GALNTL6: variants seen among roughly 807,000 people sequenced by gnomAD.
GALNTL6 encodes the protein polypeptide N-acetylgalactosaminyltransferase-like 6.
A neutral mutation model predicts 73.7 loss-of-function variants in GALNTL6; 46 were observed. That is an observed-to-expected ratio of 0.62 (90% CI 0.49 to 0.80). GALNTL6 has a LOEUF of 0.80. Ranked by LOEUF, GALNTL6 falls within the 30% of genes least tolerant of loss-of-function variation. The pLI is 0.00. For synonymous variants in GALNTL6, 259 were observed against 263.7 expected (o/e 0.98, Z 0.17); for missense variants, 604 against 755.0 (o/e 0.80, Z 2.34).
intron 2 of GALNTL6, among the ~76,000 whole-genome samples, chr4:171,854,117 C>T (rs1735612812): frequency 6.6e-6 from 1 of 152,104 alleles, no homozygotes; most frequent in South Asian, 2.1e-4. Flanking sequence ...TCCCTGAGGG[C>T]AGATGTTGGA....
rs372751195 is a variant in GALNTL6 at position 172,469,176 on chromosome 4, T to A, written c.553+120487T>A. On this transcript the variant is annotated intron_variant, in intron 5 of 12. Transcript: ENST00000506823. ...GTCATGAGAAGATTAAAGGGTATGGTTACACAATTGGACTCATTGAAACAG... is the reference window on the plus strand; with the variant it reads ...GTCATGAGAAGATTAAAGGGTATGGATACACAATTGGACTCATTGAAACAG... Among the ~76,000 whole-genome samples the A allele has an allele frequency of 3.9e-5, 6 of 152,266 alleles. No individual in the cohort carries two copies. In the East Asian group the frequency reaches 9.7e-4, roughly 25 times the overall value.
intron 5 of GALNTL6, among the ~76,000 whole-genome samples, chr4:172,656,626 C>T (rs1731034247): frequency 6.6e-6 from 1 of 152,180 alleles, no homozygotes; most frequent in Non-Finnish European, 1.5e-5. Context: ...ACATATTTTA[C>T]TGCTTTATTA....
At chr4:172,808,182 T>A (rs1190330440) in intron 5 of GALNTL6, among the ~76,000 whole-genome samples, 9 of 152,292 alleles carry the variant, frequency 5.9e-5, no homozygotes, top group African/African-American at 2.2e-4. Flanking sequence ...ATTGACCCAT[T>A]TGTGAAACAT....
At position 172,974,110 on chromosome 4, in the gene GALNTL6, A is replaced by G. The variant is rs542221660; in HGVS notation, c.1371+21852A>G. On this transcript the variant is annotated intron_variant, in intron 10 of 12. Transcript: ENST00000506823. Reference sequence around the variant, plus strand: ...AGCTAGGTATCAGTATTTTTATTGTACTTATGCCCTACAGCTAAAATAATT... The same window carrying G: ...AGCTAGGTATCAGTATTTTTATTGTGCTTATGCCCTACAGCTAAAATAATT... Among the ~76,000 whole-genome samples the G allele has an allele frequency of 5.3e-5, 8 of 152,342 alleles. No individual in the cohort carries two copies. In the South Asian group the frequency reaches 1.7e-3, roughly 32 times the overall value.
intron 8 of GALNTL6, among the ~76,000 whole-genome samples, chr4:172,912,436 T>C (rs1747258877): frequency 6.6e-6 from 1 of 152,174 alleles, no homozygotes; most frequent in African/African-American, 2.4e-5. Context: ...ACCTGGGAAG[T>C]GCAAGAGGTC....
chr4:172,670,777 G>T (rs1311132450), intron 5 of GALNTL6, among the ~76,000 whole-genome samples: 2 of 152,098 alleles, frequency 1.3e-5, no homozygotes, highest in African/African-American at 4.8e-5. Flanking sequence ...GGTTTTTATA[G>T]TTTTGGGTTT....
At chr4:172,230,511 G>T (rs1357383705) in intron 3 of GALNTL6, among the ~76,000 whole-genome samples, 1 of 151,594 alleles carries the variant, frequency 6.6e-6, no homozygotes, top group Non-Finnish European at 1.5e-5. Context: ...GGCCCGGGGG[G>T]TGGAGCTTGC....
At chr4:172,107,109 G>A (rs1274392188) in intron 2 of GALNTL6, among the ~76,000 whole-genome samples, 2 of 152,148 alleles carry the variant, frequency 1.3e-5, no homozygotes, top group African/African-American at 4.8e-5. Context: ...CTGACCTCAG[G>A]TGATCTGCCC....
At chr4:173,016,930 ATCATGGGGGTGGTTACCC>A (rs1456992813) in intron 11 of GALNTL6, among the ~76,000 whole-genome samples, 2 of 152,232 alleles carry the variant, frequency 1.3e-5, no homozygotes, top group Middle Eastern at 3.4e-3. Flanking sequence ...AGGTAATTTG[ATCATGGGGGTGGTTACCC>A]TCATGTTGTT....
chr4:172,163,709 G>C (rs910164858), intron 2 of GALNTL6, among the ~76,000 whole-genome samples: 5 of 151,886 alleles, frequency 3.3e-5, no homozygotes, highest in Non-Finnish European at 7.4e-5. Flanking sequence ...AATCTTCCAG[G>C]TTAACAAGCA....
At chr4:172,449,727 A>T (rs570937165) in intron 5 of GALNTL6, among the ~76,000 whole-genome samples, 1 of 152,182 alleles carries the variant, frequency 6.6e-6, no homozygotes, top group African/African-American at 2.4e-5. Context: ...TTTATTCTCT[A>T]TGTAAGCTTC....
chr4:172,911,911 A>G (rs1383097040), intron 8 of GALNTL6, among the ~76,000 whole-genome samples: 1 of 152,224 alleles, frequency 6.6e-6, no homozygotes, highest in Non-Finnish European at 1.5e-5. Context: ...AACAGTTTAC[A>G]TGGCATTCAG....
chr4:171,988,902 T>C (rs1405279460), intron 2 of GALNTL6, among the ~76,000 whole-genome samples: 1 of 151,822 alleles, frequency 6.6e-6, no homozygotes, highest in Non-Finnish European at 1.5e-5. Context: ...AAGGGGAGGA[T>C]GTGAAGGAGG....
chr4:172,343,685 T>C (rs1435113571), intron 4 of GALNTL6, among the ~76,000 whole-genome samples: 27 of 152,168 alleles, frequency 1.8e-4, no homozygotes, highest in Admixed American at 1.7e-3. Flanking sequence ...AGAAAACGTT[T>C]ATGTATTCTG....
chr4:172,737,340 T>A (rs1468641673), intron 5 of GALNTL6, among the ~76,000 whole-genome samples: 1 of 152,158 alleles, frequency 6.6e-6, no homozygotes, highest in Non-Finnish European at 1.5e-5. Context: ...TGAATTTGTA[T>A]TTTTAAATAG....
intron 2 of GALNTL6, among the ~76,000 whole-genome samples, chr4:172,197,601 G>C (rs1272906113): frequency 1.3e-5 from 2 of 152,070 alleles, no homozygotes; most frequent in African/African-American, 4.8e-5. Flanking sequence ...ACATAGACCA[G>C]TGGAACAGAA....
chr4:172,877,563 A>T (rs937464822), intron 7 of GALNTL6, among the ~76,000 whole-genome samples: 1 of 152,026 alleles, frequency 6.6e-6, no homozygotes, highest in Non-Finnish European at 1.5e-5. Context: ...ATTAATTTAA[A>T]ATTTAGCTAA....
chr4:172,618,895 T>C (rs1308424996), intron 5 of GALNTL6, among the ~76,000 whole-genome samples: 1 of 152,066 alleles, frequency 6.6e-6, no homozygotes, highest in Non-Finnish European at 1.5e-5. Flanking sequence ...GGCTAATTGT[T>C]GTATTTTTAA....
chr4:172,759,863 T>A (rs1737972570), intron 5 of GALNTL6, among the ~76,000 whole-genome samples: 1 of 119,480 alleles, frequency 8.4e-6, no homozygotes. Flanking sequence ...GGAGTCTCGC[T>A]CTGTCGCCCA....
Sources: allele counts gnomAD v4.1 joint callset (sites outside exome capture counted in the v4.1 genomes callset), GRCh38; gene constraint gnomAD v4.1.1; transcripts MANE v1.5; gene names NCBI Gene and HGNC (gene_info 2026-07-23, HGNC 2026-07-21).